The following RASA3 variants were observed in gnomAD, a reference collection of about 807,000 sequenced individuals.
RASA3 encodes RAS p21 protein activator 3.
RASA3 carries 73 observed loss-of-function variants against 110.0 expected under a neutral mutation model. The observed-to-expected ratio is 0.66, with a 90% confidence interval of 0.55 to 0.81. The LOEUF (loss-of-function observed/expected upper bound fraction) is 0.81. RASA3 is among the 30% of genes least tolerant of loss of function. RASA3 has a pLI of 0.00. For synonymous variants in RASA3, 500 were observed against 451.4 expected, an observed-to-expected ratio of 1.11 and a Z score of -1.37; for missense variants, 976 against 1,113.2, an observed-to-expected ratio of 0.88 and a Z score of 1.75.
rs144483453 is a variant in RASA3, at chr13:114,047,638, A to G, written c.277+4414T>C. On this transcript the variant is annotated intron_variant, in intron 3 of 23. Coordinates refer to ENST00000334062, the MANE Select transcript of RASA3 (RefSeq NM_007368.4). ...GTGACTTTATTCATAATTCCTGAGGATTAGACACAATCCAGAGGGTGGATG... is the reference window on the plus strand; with the variant it reads ...GTGACTTTATTCATAATTCCTGAGGGTTAGACACAATCCAGAGGGTGGATG... Among the ~76,000 whole-genome samples, 182 of 152,398 alleles carry G rather than the reference A, an allele frequency of 1.2e-3. 2 individuals carry two copies. Among genetic ancestry groups the G allele is most frequent in the Non-Finnish European group, 1.7e-3 (119 of 68,042 alleles).
intron 1 of RASA3, among the ~76,000 whole-genome samples, chr13:114,075,560 G>A (rs1321968137): frequency 1.4e-5 from 1 of 69,936 alleles, no homozygotes; most frequent in Non-Finnish European, 2.5e-5. Context: ...GAAGCCTCCC[G>A]TGTCCGCGCC....
intron 1 of RASA3, among the ~76,000 whole-genome samples, chr13:114,116,333 C>A (rs1007784587): frequency 2.0e-5 from 3 of 152,088 alleles, no homozygotes; most frequent in Non-Finnish European, 4.4e-5. Context: ...TCACTATTAA[C>A]CTAGAGACCC....
chr13:114,009,869 C>T (rs2297098), intron 16 of RASA3, among the ~76,000 whole-genome samples: 84,164 of 152,168 alleles, frequency 0.55, 24,655 homozygotes, highest in African/African-American at 0.75. Flanking sequence ...GCATAAGGGC[C>T]GCTCTGAGGT....
chr13:114,021,372 T>C (rs1292553440), intron 9 of RASA3, 32 bp downstream of exon 9: 1 of 1,589,246 alleles, frequency 6.3e-7, no homozygotes, highest in East Asian at 2.2e-5. Context: ...CTCTCAGAGA[T>C]GCGGAAGTCT....
At chr13:114,064,244 C>T (rs1387636801) in intron 2 of RASA3, among the ~76,000 whole-genome samples, 3 of 152,228 alleles carry the variant, frequency 2.0e-5, no homozygotes, top group East Asian at 1.9e-4. Flanking sequence ...ACGTCCACCT[C>T]GATCACGTCA....
intron 18 of RASA3, among the ~76,000 whole-genome samples, chr13:114,005,782 C>T (rs950388512): frequency 1.4e-5 from 2 of 143,162 alleles, no homozygotes; most frequent in African/African-American, 5.2e-5. Flanking sequence ...CTTCTCCCCC[C>T]TCCTGCCCTG....
rs79345889 is a variant in RASA3 at position 113,990,331 on chromosome 13, G to A, written c.2245+2154C>T. Among the ~76,000 whole-genome samples the A allele has an allele frequency of 8.5e-3, 1,300 of 152,302 alleles. 23 individuals carry two copies. Among genetic ancestry groups the A allele is most frequent in the African/African-American group, 0.029 (1,223 of 41,556 alleles). ...AGGGTCTGCCAGCCTGATGCGCAAG[G>A]GTGTTCCCAGCAGAGGAAGAGCTGG... On this transcript the variant is annotated intron_variant, in intron 22 of 23. Transcript: ENST00000334062.
chr13:114,061,104 A>G (rs1486735920), intron 2 of RASA3, among the ~76,000 whole-genome samples: 1 of 147,954 alleles, frequency 6.8e-6, no homozygotes, highest in African/African-American at 2.4e-5. Context: ...ACTCACTTAA[A>G]AGCACTTAGA....
rs1291033249 is a variant in RASA3, at chr13:114,057,670, G to A, written c.174-5515C>T. ...GCCCTGAAGAAACTCCTGGAAGAAT[G>A]TAAAACCCCCAGCTCAAGGAGGAGA... On this transcript the variant is annotated intron_variant, in intron 2 of 23. Coordinates refer to ENST00000334062, the MANE Select transcript of RASA3 (RefSeq NM_007368.4). This position sits in a 1 kb window ranked among gnomAD's most constrained non-coding sequence, Gnocchi z 5.0. 6.6e-6 allele frequency among the ~76,000 whole-genome samples: 1 copy of A among 152,206 alleles called. No homozygotes were observed. Among genetic ancestry groups the A allele is most frequent in the Admixed American group, 6.5e-5 (1 of 15,286 alleles).
intron 1 of RASA3, among the ~76,000 whole-genome samples, chr13:114,107,281 C>T (rs918341013): frequency 1.5e-5 from 2 of 132,370 alleles, no homozygotes; most frequent in African/African-American, 2.5e-5. Context: ...GCCTGTGTGT[C>T]CCTCCTTCGT....
intron 2 of RASA3, among the ~76,000 whole-genome samples, chr13:114,066,447 G>C (rs560029896): frequency 2.6e-5 from 4 of 152,312 alleles, no homozygotes; most frequent in African/African-American, 7.2e-5. Context: ...GAGGGAGAAG[G>C]GGGGACCTGG....
At position 114,013,896 on chromosome 13, in the gene RASA3, TTC is replaced by T. The variant is rs745615576; in HGVS notation, c.1406-650_1406-649del. The stretch of plus-strand genomic sequence containing the variant: ...TCTCCCTATCTCTGTCTCTCTCTTT[TTC>T]TCTCTTTCTCTGTCTCTCTCTCTCC... On this transcript the variant is annotated intron_variant, in intron 14 of 23. Transcript: ENST00000334062. 6.7e-3 allele frequency among the ~76,000 whole-genome samples: 188 copies of T among 28,096 alleles called. 16 individuals carry two copies. The South Asian group carries it at 0.14, about 21-fold the overall frequency. 18.4% of individuals were successfully genotyped at this position (28,096 alleles called of 152,430 possible).
intron 2 of RASA3, among the ~76,000 whole-genome samples, chr13:114,067,839 G>A (rs1251412166): frequency 6.6e-6 from 1 of 152,090 alleles, no homozygotes; most frequent in Non-Finnish European, 1.5e-5. Flanking sequence ...AGCTCTCCTC[G>A]CTCAGCTCTA....
In RASA3 at chr13:114,056,588, C is replaced by A. The variant is rs570359425; in HGVS notation, c.174-4433G>T. The A allele has an allele frequency of 2.0e-5, 20 of 985,024 alleles. No individual in the cohort carries two copies. The African/African-American group carries it at 3.0e-4, about 15-fold the overall frequency. 61.0% of individuals were successfully genotyped at this position (985,024 alleles called of 1,614,324 possible). On this transcript the variant is annotated intron_variant, in intron 2 of 23. Coordinates refer to ENST00000334062, the MANE Select transcript of RASA3 (RefSeq NM_007368.4). This position sits in a 1 kb window ranked among gnomAD's most constrained non-coding sequence, Gnocchi z 5.7. Reference sequence around the variant, plus strand: ...TGTAACTCTGCTTGGCAGTGGGGGGCTCGGTGGGGGGAGGCCCGTGCTGGC... The same window carrying A: ...TGTAACTCTGCTTGGCAGTGGGGGGATCGGTGGGGGGAGGCCCGTGCTGGC...
intron 4 of RASA3, among the ~76,000 whole-genome samples, chr13:114,033,234 C>A (rs1466698214): frequency 1.1e-5 from 1 of 93,748 alleles, no homozygotes; most frequent in African/African-American, 4.1e-5. Context: ...CTTGACACCA[C>A]GTTCCACGGC....
intron 2 of RASA3, among the ~76,000 whole-genome samples, chr13:114,063,514 G>C (rs1191748637): frequency 6.6e-6 from 1 of 152,134 alleles, no homozygotes; most frequent in African/African-American, 2.4e-5. Flanking sequence ...AAATAAAAGT[G>C]AGGTTATGTT....
chr13:114,117,479 GGTGAGCACGTGC>G (rs2080301991), intron 1 of RASA3, among the ~76,000 whole-genome samples: 1 of 140,756 alleles, frequency 7.1e-6, no homozygotes, highest in African/African-American at 2.7e-5. Flanking sequence ...CACATCTGTG[GGTGAGCACGTGC>G]GTGAGGGGTG....
chr13:114,023,124 C>T (rs529206931), intron 8 of RASA3, among the ~76,000 whole-genome samples: 2 of 152,166 alleles, frequency 1.3e-5, no homozygotes, highest in African/African-American at 4.8e-5. Flanking sequence ...CATTAAGGGT[C>T]CCCCCAGGGC....
rs1360544947 is a variant in RASA3 at position 114,073,823 on chromosome 13, G to A, written c.70C>T (p.Leu24Phe). Residue 24 changes from leucine (L) to phenylalanine (F), a missense_variant, in exon 2 of 24, where the codon CTT becomes TTT. Leu to Phe is a conservative substitution (Grantham distance 22). This residue lies in a region of RASA3 where 732 missense variants were observed against 779.7 expected (regional missense o/e 0.94). Transcript: ENST00000334062. ...TTGCTCGGCCCCGGGTAAGAGGGAAGGTTTTTGGCTTCACCTAAAAAGTAA... is the reference window on the plus strand; with the variant it reads ...TTGCTCGGCCCCGGGTAAGAGGGAAAGTTTTTGGCTTCACCTAAAAAGTAA... ...VKIKIGEAKN[L>F]PSYPGPSKMR... 1.2e-6 allele frequency: 2 copies of A among 1,614,152 alleles called. No individual in the cohort carries two copies. The highest frequency in any genetic ancestry group is 2.7e-5 in the African/African-American group (2 of 75,068).
Sources: gnomAD v4.1 joint callset for allele counts (sites outside exome capture counted in the v4.1 genomes callset) on GRCh38, gnomAD v4.1.1 for gene constraint, gnomAD v4.1.1 regional missense constraint, Gnocchi (gnomAD v3.1) non-coding constraint, MANE v1.5 for transcripts, NCBI Gene and HGNC (gene_info 2026-07-23, HGNC 2026-07-21) for gene names.